GLYR1: variants seen among roughly 807,000 people sequenced by gnomAD.
GLYR1 encodes the protein cytokine-like nuclear factor N-PAC.
GLYR1 carries 21 observed loss-of-function variants against 72.7 expected under a neutral mutation model. That is an observed-to-expected ratio of 0.29 (90% CI 0.20 to 0.42). The LOEUF is 0.42. Among genes scored for constraint, GLYR1 ranks in the 10% least tolerant of loss-of-function variants. GLYR1 has a pLI of 1.00. For missense variants in GLYR1, 594 were observed against 712.1 expected (o/e 0.83, Z 1.89); for synonymous variants, 392 against 270.2 (o/e 1.45, Z -4.42).
chr16:4,809,611 C>CA (rs1245851187), intron 15 of GLYR1, among the ~76,000 whole-genome samples: 1,707 of 80,084 alleles, frequency 0.021, 22 homozygotes, highest in African/African-American at 0.052. Flanking sequence ...AACTCCGTCT[C>CA]AAAAAAAAAA....
intron 7 of GLYR1, among the ~76,000 whole-genome samples, chr16:4,822,101 T>TTTTTGTGTTATCTATTTATCTA (rs140539455): frequency 0.22 from 33,498 of 152,258 alleles, 3,976 homozygotes; most frequent in African/African-American, 0.29. Flanking sequence ...TTAAATGCTC[T>TTTTTGTGTTATCTATTTATCTA]TCTGAGATAG....
At chr16:4,825,555 C>T (rs960472661) in intron 5 of GLYR1, among the ~76,000 whole-genome samples, 1 of 152,180 alleles carries the variant, frequency 6.6e-6, no homozygotes, top group Non-Finnish European at 1.5e-5. Flanking sequence ...CAAATGCCTT[C>T]ATAGGGCTTA....
At chr16:4,818,625 C>T (rs781093137) in intron 9 of GLYR1, among the ~76,000 whole-genome samples, 10 of 152,196 alleles carry the variant, frequency 6.6e-5, no homozygotes, top group African/African-American at 9.7e-5. Flanking sequence ...CCACAAGTCA[C>T]TGAAGCACTG....
At chr16:4,843,715 G>C in intron 3 of GLYR1, 1 of 1,098,018 alleles carries the variant, frequency 9.1e-7, no homozygotes. Flanking sequence ...GTCAGAATTA[G>C]ATTTACCAGA....
intron 9 of GLYR1, among the ~76,000 whole-genome samples, chr16:4,818,601 C>T (rs2083801140): frequency 6.6e-6 from 1 of 152,096 alleles, no homozygotes. Flanking sequence ...TACTTTAAAG[C>T]CCAACAGAAT....
chr16:4,836,032 C>CA (rs2085107833), intron 3 of GLYR1, among the ~76,000 whole-genome samples: 1 of 152,172 alleles, frequency 6.6e-6, no homozygotes, highest in Non-Finnish European at 1.5e-5. Context: ...CTCCTGAACT[C>CA]AAGTAATCTG....
chr16:4,811,433 C>T (rs2083317541), intron 14 of GLYR1, 139 bp from the exon 15 acceptor site: 3 of 1,304,504 alleles, frequency 2.3e-6, no homozygotes, highest in Middle Eastern at 2.3e-4. Flanking sequence ...CCTCACTCAC[C>T]CTTAGACACC....
At chr16:4,832,608 G>T in intron 4 of GLYR1, 166 bp downstream of exon 4, 2 of 841,872 alleles carry the variant, frequency 2.4e-6, no homozygotes, top group East Asian at 2.6e-5. Flanking sequence ...GCTGCATGGA[G>T]TTTCAAACTG....
At chr16:4,837,031 G>A (rs981199830) in intron 3 of GLYR1, among the ~76,000 whole-genome samples, 25 of 151,994 alleles carry the variant, frequency 1.6e-4, no homozygotes, top group Non-Finnish European at 3.2e-4. Context: ...CTTCATCTAT[G>A]AATACAGAAC....
intron 7 of GLYR1, among the ~76,000 whole-genome samples, chr16:4,821,890 G>A (rs1158802479): frequency 1.3e-5 from 2 of 152,156 alleles, no homozygotes; most frequent in African/African-American, 2.4e-5. Flanking sequence ...ATCCTAGCAC[G>A]GCTCAGGCCA....
chr16:4,812,305 A>G, intron 12 of GLYR1, 57 bp from the exon 13 acceptor site: 1 of 1,555,958 alleles, frequency 6.4e-7, no homozygotes. Flanking sequence ...CTCTCTGGGC[A>G]GGACTCAAGG....
At chr16:4,809,537 G>A (rs576625028) in intron 15 of GLYR1, among the ~76,000 whole-genome samples, 7 of 150,830 alleles carry the variant, frequency 4.6e-5, no homozygotes, top group South Asian at 2.1e-4. Context: ...GAGTGAACCC[G>A]GGAGACGAAG....
chr16:4,831,216 G>C (rs1328494864), intron 5 of GLYR1, among the ~76,000 whole-genome samples: 1 of 151,998 alleles, frequency 6.6e-6, no homozygotes, highest in East Asian at 1.9e-4. Context: ...CTCTTTGCTT[G>C]CAACATTTGC....
intron 12 of GLYR1, among the ~76,000 whole-genome samples, chr16:4,812,482 C>G (rs2083374175): frequency 6.6e-6 from 1 of 152,150 alleles, no homozygotes; most frequent in African/African-American, 2.4e-5. Flanking sequence ...ACACAGGAAC[C>G]CAACTGACTT....
At chr16:4,842,188 G>C (rs2085607783) in intron 3 of GLYR1, among the ~76,000 whole-genome samples, 2 of 151,226 alleles carry the variant, frequency 1.3e-5, no homozygotes, top group Non-Finnish European at 2.9e-5. Context: ...AGCTTGTAGT[G>C]AGCCAAGATC....
intron 3 of GLYR1, among the ~76,000 whole-genome samples, chr16:4,836,815 A>G (rs916560281): frequency 1.4e-5 from 2 of 139,760 alleles, no homozygotes; most frequent in African/African-American, 6.0e-5. Context: ...TTATATTGGA[A>G]AAAAAAAAAA....
chr16:4,811,471 C>G, intron 14 of GLYR1, 152 bp downstream of exon 14: 1 of 1,241,846 alleles, frequency 8.1e-7, no homozygotes, highest in Non-Finnish European at 1.1e-6. Context: ...AGCCTATATC[C>G]CCAAATCCCG....
chr16:4,844,952 T>G (rs921739761), intron 3 of GLYR1, 122 bp downstream of exon 3: 2 of 686,156 alleles, frequency 2.9e-6, no homozygotes, highest in East Asian at 2.5e-5. Flanking sequence ...CAGAATGAGA[T>G]GCCAGTATTA....
intron 3 of GLYR1, 103 bp downstream of exon 3, chr16:4,844,971 A>T: frequency 1.3e-6 from 1 of 780,196 alleles, no homozygotes; most frequent in Non-Finnish European, 2.2e-6. Flanking sequence ...TACACATTAT[A>T]AGAAGACTGA....
Sources: allele counts gnomAD v4.1 joint callset (sites outside exome capture counted in the v4.1 genomes callset), GRCh38; gene constraint gnomAD v4.1.1; transcripts MANE v1.5; gene names NCBI Gene and HGNC (gene_info 2026-07-23, HGNC 2026-07-21).